PCDHA2: variants seen among roughly 807,000 people sequenced by gnomAD.
The protein encoded by PCDHA2 is protocadherin alpha 2.
A neutral mutation model predicts 66.0 loss-of-function variants in PCDHA2; 58 were observed. The ratio of observed to expected loss-of-function variants is 0.88; its 90% CI spans 0.71 to 1.09. The LOEUF (loss-of-function observed/expected upper bound fraction) is 1.09. Ranked by LOEUF, PCDHA2 falls within the 50% of genes least tolerant of loss-of-function variation. PCDHA2 has a pLI of 0.00. For synonymous variants in PCDHA2, 634 were observed against 554.0 expected (o/e 1.14, Z -2.03); for missense variants, 1,267 against 1,242.3 (o/e 1.02, Z -0.30).
At chr5:140,850,677 A>G (rs2150493410) in intron 1 of PCDHA2, 1 of 1,598,454 alleles carries the variant, frequency 6.3e-7, no homozygotes. Flanking sequence ...GGCGATGCCC[A>G]CCGAGGGCGA....
chr5:140,966,724 C>G (rs1357964806), intron 1 of PCDHA2: 25 of 1,396,170 alleles, frequency 1.8e-5, no homozygotes, highest in Non-Finnish European at 2.3e-5. Context: ...GGGAAGCTGC[C>G]GCCTCCGGCC....
chr5:141,000,421 A>ATTTTTTTT (rs34755515), intron 3 of PCDHA2, among the ~76,000 whole-genome samples: 2 of 27,968 alleles, frequency 7.2e-5, no homozygotes, highest in Admixed American at 6.5e-4. Context: ...ATATATATAT[A>ATTTTTTTT]TTTTTTTTTT....
intron 1 of PCDHA2, among the ~76,000 whole-genome samples, chr5:140,946,184 C>T (rs2093899107): frequency 6.6e-6 from 1 of 151,990 alleles, no homozygotes; most frequent in African/African-American, 2.4e-5. Context: ...TGTGAATAGA[C>T]ATTTCTCAAA....
intron 1 of PCDHA2, among the ~76,000 whole-genome samples, chr5:140,918,519 G>A (rs2078736782): frequency 6.6e-6 from 1 of 152,068 alleles, no homozygotes. Flanking sequence ...AACTTATTGA[G>A]GATTGTTTTA....
chr5:140,836,991 C>G (rs1167342792), intron 1 of PCDHA2: 5 of 347,512 alleles, frequency 1.4e-5, no homozygotes, highest in African/African-American at 8.6e-5. Context: ...GAGGACTTTG[C>G]TAACTGGAGC....
At chr5:140,905,958 G>T (rs1554192269) in intron 1 of PCDHA2, among the ~76,000 whole-genome samples, 1 of 152,184 alleles carries the variant, frequency 6.6e-6, no homozygotes, top group Non-Finnish European at 1.5e-5. Context: ...GATGTTCAAG[G>T]GGAGGAAGAT....
chr5:140,870,655 G>A (rs1554164527), intron 1 of PCDHA2: 1 of 1,612,540 alleles, frequency 6.2e-7, no homozygotes, highest in Non-Finnish European at 8.5e-7. Context: ...CAAGGTGTAC[G>A]CGCTGCAGCC....
At chr5:140,989,620 C>T (rs1197614071) in intron 3 of PCDHA2, among the ~76,000 whole-genome samples, 1 of 152,168 alleles carries the variant, frequency 6.6e-6, no homozygotes, top group African/African-American at 2.4e-5. Context: ...GAAAGTCTGT[C>T]CTAGTGACAG....
chr5:140,952,566 G>A (rs1198943972), intron 1 of PCDHA2, among the ~76,000 whole-genome samples: 1 of 151,938 alleles, frequency 6.6e-6, no homozygotes, highest in African/African-American at 2.4e-5. Flanking sequence ...TCAGCACTTC[G>A]GTCCCAATCA....
intron 1 of PCDHA2, chr5:140,862,334 C>T: frequency 3.0e-6 from 1 of 329,810 alleles, no homozygotes; most frequent in Non-Finnish European, 6.0e-6. Context: ...TGTAATTGAC[C>T]CTAACTTCAG....
At chr5:140,863,193 G>A (rs1271562908) in intron 1 of PCDHA2, 15 of 840,280 alleles carry the variant, frequency 1.8e-5, no homozygotes, top group Non-Finnish European at 2.3e-5. Context: ...CCGTGGTGGC[G>A]TCGCTGGCGG....
intron 1 of PCDHA2, chr5:140,871,156 G>A (rs200268029): frequency 4.7e-5 from 76 of 1,613,328 alleles, no homozygotes; most frequent in Admixed American, 3.0e-4. Context: ...TTTGGCGGGC[G>A]CCGCGAGCCC....
At chr5:140,819,076 G>C (rs1161309485) in intron 1 of PCDHA2, among the ~76,000 whole-genome samples, 3 of 152,068 alleles carry the variant, frequency 2.0e-5, no homozygotes, top group Non-Finnish European at 4.4e-5. Context: ...CATTATACAG[G>C]CAGCGCTAAG....
At chr5:140,925,665 A>C (rs2082643258) in intron 1 of PCDHA2, among the ~76,000 whole-genome samples, 1 of 149,266 alleles carries the variant, frequency 6.7e-6, no homozygotes, top group Non-Finnish European at 1.5e-5. Flanking sequence ...TAATAATAAT[A>C]ATAATAATAA....
In PCDHA2 at chr5:140,834,800, T is replaced by A; in HGVS notation, c.2388+37448T>A. 3 of 1,612,758 alleles carry A rather than the reference T, an allele frequency of 1.9e-6. No homozygotes were observed. Among genetic ancestry groups the A allele is most frequent in the Non-Finnish European group, 2.5e-6 (3 of 1,179,706 alleles). On this transcript the variant is annotated intron_variant, in intron 1 of 3. Transcript: ENST00000526136. The stretch of plus-strand genomic sequence containing the variant: ...CGGTGTTCCCAGCGACACAAAGGAA[T>A]CTGTTCATCGCGGAATCCAGGCCGC...
At chr5:140,822,680 A>C (rs2150118519) in intron 1 of PCDHA2, 2 of 1,609,870 alleles carry the variant, frequency 1.2e-6, no homozygotes, top group Non-Finnish European at 1.7e-6. Flanking sequence ...GGTGAAATAA[A>C]AGTTAACGGG....
rs1554119247 is a variant in PCDHA2, at chr5:140,795,085, C to T, written c.121C>T (p.His41Tyr). Residue 41 changes from histidine to tyrosine, a missense_variant, in exon 1 of 4, where the codon CAC (histidine) becomes TAC (tyrosine). Coordinates refer to ENST00000526136, the MANE Select transcript of PCDHA2 (RefSeq NM_018905.3). ...LRYSVPEEAK[H>Y]GTFVGRIAQD... ...CTACTCCGTCCCCGAGGAGGCCAAA[C>T]ACGGCACCTTCGTGGGCCGCATCGC... 6.2e-7 allele frequency: 1 copy of T among 1,614,028 alleles called. No homozygotes were observed. The highest frequency in any genetic ancestry group is 1.3e-5 in the African/African-American group (1 of 75,068).
intron 1 of PCDHA2, chr5:140,823,562 T>C (rs2150126936): frequency 6.2e-7 from 1 of 1,613,920 alleles, no homozygotes; most frequent in Non-Finnish European, 8.5e-7. Flanking sequence ...GTGCGCGCAG[T>C]GGACCCTGAT....
chr5:140,857,383 C>T (rs781834606), intron 1 of PCDHA2: 2 of 1,598,150 alleles, frequency 1.3e-6, no homozygotes, highest in Admixed American at 1.7e-5. Context: ...TGGAGGTGGC[C>T]GACGTGAACG....
Sources: allele counts gnomAD v4.1 joint callset (sites outside exome capture counted in the v4.1 genomes callset), GRCh38; gene constraint gnomAD v4.1.1; transcripts MANE v1.5; gene names NCBI Gene and HGNC (gene_info 2026-07-23, HGNC 2026-07-21).